Variants in GAREM1 observed in about 807,000 individuals in gnomAD.
GAREM1 encodes GRB2 associated regulator of MAPK1 subtype 1, also known as GRB2-associated and regulator of MAPK protein 1.
A neutral mutation model predicts 71.3 loss-of-function variants in GAREM1; 26 were observed. That is an observed-to-expected ratio of 0.36 (90% CI 0.27 to 0.51). GAREM1 has a LOEUF of 0.51. Among genes scored for constraint, GAREM1 ranks in the 20% least tolerant of loss-of-function variants. The pLI is 0.95. For synonymous variants in GAREM1, 440 were observed against 433.2 expected, an observed-to-expected ratio of 1.02 and a Z score of -0.20; for missense variants, 1,026 against 1,103.1, an observed-to-expected ratio of 0.93 and a Z score of 0.99.
chr18:32,350,661 A>G (rs1371524549), intron 2 of GAREM1, among the ~76,000 whole-genome samples: 1 of 152,232 alleles, frequency 6.6e-6, no homozygotes, highest in Non-Finnish European at 1.5e-5. Context: ...GTACATGCCA[A>G]GTAAACTCTT....
At chr18:32,286,778 C>T (rs905196915) in intron 4 of GAREM1, among the ~76,000 whole-genome samples, 1 of 152,108 alleles carries the variant, frequency 6.6e-6, no homozygotes, top group African/African-American at 2.4e-5. Flanking sequence ...ATCCATTCTC[C>T]GGGCAGCAGC....
chr18:32,300,332 T>A (rs755541747), intron 3 of GAREM1, among the ~76,000 whole-genome samples: 1 of 152,200 alleles, frequency 6.6e-6, no homozygotes, highest in Non-Finnish European at 1.5e-5. Context: ...AAACTAAGAA[T>A]TGTATTTTAA....
Position 32,287,091 on chromosome 18 carries a change from T to G in GAREM1, c.1506A>C (p.Ala502=). Residue 502 remains alanine (A), a synonymous_variant, in exon 4 of 6, where the codon GCA becomes GCC. Coordinates refer to ENST00000269209, the MANE Select transcript of GAREM1 (RefSeq NM_001242409.2). The surrounding 1 kb of genome is among the most constrained non-coding windows in gnomAD (Gnocchi z 5.9). ...SPLPIPGTLG[A]AVKSSDTALP... is the part of the protein sequence containing the mutation. ...GGGCAGTATCTGAAGACTTCACTGC[T>G]GCTCCCAGAGTCCCAGGGATGGGAA... 1 of 1,614,202 alleles carries G rather than the reference T, an allele frequency of 6.2e-7. No individual in the cohort carries two copies. The highest frequency in any genetic ancestry group is 1.3e-5 in the African/African-American group (1 of 75,064).
Position 32,343,311 on chromosome 18 carries a change from G to GTTT in GAREM1, c.263-32991_263-32989dup, listed in dbSNP as rs35086441. On this transcript the variant is annotated intron_variant, in intron 2 of 5. Coordinates refer to ENST00000269209, the MANE Select transcript of GAREM1 (RefSeq NM_001242409.2). ...AGCTAAAAGAGTACTCTCCCCCACT[G>GTTT]TTTTTTTTTTTTTTTTTTTTTGAGA... is the stretch of plus-strand genomic sequence containing the variant. Among the ~76,000 whole-genome samples, 466 of 118,860 alleles carry GTTT rather than the reference G, an allele frequency of 3.9e-3. 17 individuals are homozygous for GTTT. Among genetic ancestry groups the GTTT allele is most frequent in the African/African-American group, 0.014 (421 of 29,826 alleles). The allele number at this position is 118,860 out of a possible 152,430, so 78.0% of individuals were successfully genotyped here.
chr18:32,372,886 T>C (rs1320386230), intron 2 of GAREM1, among the ~76,000 whole-genome samples: 2 of 152,168 alleles, frequency 1.3e-5, no homozygotes, highest in East Asian at 1.9e-4. Context: ...GGGGGTTGTG[T>C]AGATTTTTTA....
chr18:32,354,690 G>A (rs75544965), intron 2 of GAREM1, among the ~76,000 whole-genome samples: 15,245 of 152,218 alleles, frequency 0.1, 826 homozygotes, highest in Non-Finnish European at 0.12. Context: ...ACATGGCCCG[G>A]GGAGGAAAAG....
At chr18:32,282,058 T>C (rs897103161) in intron 4 of GAREM1, among the ~76,000 whole-genome samples, 5 of 151,832 alleles carry the variant, frequency 3.3e-5, no homozygotes, top group African/African-American at 1.2e-4. Context: ...ACAACCCCCT[T>C]TTCCATTACC....
chr18:32,321,771 T>C (rs994280069), intron 2 of GAREM1, among the ~76,000 whole-genome samples: 1 of 152,208 alleles, frequency 6.6e-6, no homozygotes, highest in Non-Finnish European at 1.5e-5. Context: ...TGCTACCACA[T>C]ATTCCCAACC....
chr18:32,347,388 T>A (rs1292860429), intron 2 of GAREM1, among the ~76,000 whole-genome samples: 2 of 152,040 alleles, frequency 1.3e-5, no homozygotes, highest in Non-Finnish European at 2.9e-5. Context: ...AGTGCACCTC[T>A]AGTCTATGGA....
intron 2 of GAREM1, among the ~76,000 whole-genome samples, chr18:32,387,841 C>A (rs1567990623): frequency 6.6e-6 from 1 of 152,244 alleles, no homozygotes; most frequent in African/African-American, 2.4e-5. Flanking sequence ...TTAAGAATTT[C>A]ATGAAAATCT....
Position 32,265,369 on chromosome 18 carries a change from C to T in GAREM1, c.*2502G>A, listed in dbSNP as rs1567938469. ...AGTGATCTTGGGGTGTTCTGTACCC[C>T]TTAATAGAGGCTGACGTTTTAAAGA... On this transcript the variant is annotated 3_prime_UTR_variant, in exon 6 of 6. Transcript: ENST00000269209. 6.6e-6 allele frequency: 1 copy of T among 152,194 alleles called. No homozygotes were observed. Among genetic ancestry groups the T allele is most frequent in the Non-Finnish European group, 1.5e-5 (1 of 68,042 alleles). 9.4% of individuals were successfully genotyped at this position (152,194 alleles called of 1,614,324 possible). A position where few individuals can be genotyped will look rare whatever the true frequency, so the allele number is the denominator to read the frequency against.
chr18:32,425,507 A>T (rs928353403), intron 1 of GAREM1, among the ~76,000 whole-genome samples: 1 of 152,214 alleles, frequency 6.6e-6, no homozygotes, highest in African/African-American at 2.4e-5. Flanking sequence ...GTACTACCTT[A>T]TAACTTAGAA....
rs945240079 is a variant in GAREM1 at position 32,288,010 on chromosome 18, G to A, written c.587C>T (p.Pro196Leu). The stretch of plus-strand genomic sequence containing the variant: ...CCGGTGATTCATACAAATGAGGCAC[G>A]GCATTTTGCCTTTTCCCAGCTTGCT... ...SISKLGKGKM[P>L]CLICMNHRTN... is the part of the protein sequence containing the mutation. The change falls in exon 4 of 6, where the codon CCG (proline) becomes CTG (leucine). Residue 196 changes from proline (P) to leucine (L), a missense_variant. Physicochemically the swap from Pro to Leu is moderately conservative, Grantham distance 98. This residue lies in a region of GAREM1 where 218 missense variants were observed against 296.8 expected (regional missense o/e 0.73). Transcript: ENST00000269209. The A allele has an allele frequency of 4.3e-6, 7 of 1,614,072 alleles. No homozygotes were observed. Among genetic ancestry groups the A allele is most frequent in the African/African-American group, 1.3e-5 (1 of 74,994 alleles).
chr18:32,384,557 G>C (rs1461260659), intron 2 of GAREM1, among the ~76,000 whole-genome samples: 1 of 152,120 alleles, frequency 6.6e-6, no homozygotes, highest in Non-Finnish European at 1.5e-5. Flanking sequence ...TAGTTTGCCA[G>C]AGTCATCTAT....
intron 1 of GAREM1, among the ~76,000 whole-genome samples, chr18:32,405,212 T>C (rs1412972810): frequency 6.6e-6 from 1 of 152,156 alleles, no homozygotes; most frequent in East Asian, 1.9e-4. Context: ...TTTTTTTGTC[T>C]TTTTGAGACA....
chr18:32,309,903 A>G (rs1257535199), intron 3 of GAREM1, among the ~76,000 whole-genome samples: 1 of 152,152 alleles, frequency 6.6e-6, no homozygotes, highest in African/African-American at 2.4e-5. Context: ...ACTGTTACAT[A>G]TTAGAAAATG....
At chr18:32,444,640 ACAGTAAAAC>A (rs2048769831) in intron 1 of GAREM1, among the ~76,000 whole-genome samples, 1 of 152,202 alleles carries the variant, frequency 6.6e-6, no homozygotes, top group South Asian at 2.1e-4. Context: ...AGAAAGGATC[ACAGTAAAAC>A]CAGCTGAACT....
Position 32,265,021 on chromosome 18 carries a change from A to G in GAREM1, c.*2850T>C, listed in dbSNP as rs2041354142. ...TCTGGGCATCACTTTTCACTGCAGA[A>G]TCGCAGGGAAGGGCTGTGAAAGGGA... is the stretch of plus-strand genomic sequence containing the variant. On this transcript the variant is annotated 3_prime_UTR_variant, in exon 6 of 6. Coordinates refer to ENST00000269209, the MANE Select transcript of GAREM1 (RefSeq NM_001242409.2). 1 of 152,248 alleles carries G rather than the reference A, an allele frequency of 6.6e-6. No homozygotes were observed. Among genetic ancestry groups the G allele is most frequent in the African/African-American group, 2.4e-5 (1 of 41,458 alleles). The allele number at this position is 152,248 out of a possible 1,614,324, so 9.4% of individuals were successfully genotyped here. A position where few individuals can be genotyped will look rare whatever the true frequency, so the allele number is the denominator to read the frequency against.
intron 1 of GAREM1, among the ~76,000 whole-genome samples, chr18:32,434,548 A>G (rs2048656678): frequency 6.6e-6 from 1 of 152,142 alleles, no homozygotes; most frequent in African/African-American, 2.4e-5. Flanking sequence ...CCCTATGGCC[A>G]AAGCTAGAAC....
Sources: gnomAD v4.1 joint callset for allele counts (sites outside exome capture counted in the v4.1 genomes callset) on GRCh38, gnomAD v4.1.1 for gene constraint, gnomAD v4.1.1 regional missense constraint, Gnocchi (gnomAD v3.1) non-coding constraint, MANE v1.5 for transcripts, NCBI Gene and HGNC (gene_info 2026-07-23, HGNC 2026-07-21) for gene names.